Variants in ABLIM2 observed in about 807,000 individuals in gnomAD.
ABLIM2 encodes the protein actin-binding LIM protein 2.
ABLIM2 carries 53 observed loss-of-function variants against 97.7 expected under a neutral mutation model. The observed-to-expected ratio is 0.54, with a 90% CI of 0.44 to 0.68. The LOEUF is 0.68. ABLIM2 is among the 30% of genes least tolerant of loss of function. The pLI, the probability that ABLIM2 is intolerant of heterozygous loss-of-function variation, is 0.00. For synonymous variants in ABLIM2, 361 were observed against 345.8 expected (o/e 1.04, Z -0.49); for missense variants, 835 against 867.2 (o/e 0.96, Z 0.47).
At position 7,966,204 on chromosome 4, in the gene ABLIM2, C is replaced by G. The variant is rs987027730; in HGVS notation, c.*786G>C. 2 of 152,604 alleles carry G rather than the reference C, an allele frequency of 1.3e-5. No homozygotes were observed. Among genetic ancestry groups the G allele is most frequent in the Non-Finnish European group, 2.9e-5 (2 of 68,064 alleles). 9.5% of individuals were successfully genotyped at this position (152,604 alleles called of 1,614,324 possible). On this transcript the variant is annotated 3_prime_UTR_variant, in exon 21 of 21. Coordinates refer to ENST00000447017, the MANE Select transcript of ABLIM2 (RefSeq NM_001130083.2). ...AAGAACAGACTGAAACCACACAGATCCGAGCGGTGGAGAATAAGGCTGGAG... is the reference window on the plus strand; with the variant it reads ...AAGAACAGACTGAAACCACACAGATGCGAGCGGTGGAGAATAAGGCTGGAG...
chr4:8,021,864 A>G lies in ABLIM2; in HGVS notation c.1268-1561T>C, dbSNP rs1773951322. ...AGCGTCAGATAACTGCCCTTCCCTT[A>G]GCAACCTCCCTCCAGAACAGCATGG... On this transcript the variant is annotated intron_variant, in intron 12 of 20. Transcript: ENST00000447017. This position sits in a 1 kb window ranked among gnomAD's most constrained non-coding sequence, Gnocchi z 5.5. Among the ~76,000 whole-genome samples the G allele has an allele frequency of 6.6e-6, 1 of 152,310 alleles. No homozygotes were observed. The highest frequency in any genetic ancestry group is 2.4e-5 in the African/African-American group (1 of 41,578).
At position 8,058,670 on chromosome 4, in the gene ABLIM2, C is replaced by A. The variant is rs1322408629; in HGVS notation, c.763+2297G>T. On this transcript the variant is annotated intron_variant, in intron 7 of 20. Transcript: ENST00000447017. This position sits in a 1 kb window ranked among gnomAD's most constrained non-coding sequence, Gnocchi z 4.2. Reference sequence around the variant, plus strand: ...CCCACCAGTGCTCGCTGGGACCAGACCCTTGGGTCAGGCTCCTCTGAACCC... The same window carrying A: ...CCCACCAGTGCTCGCTGGGACCAGAACCTTGGGTCAGGCTCCTCTGAACCC... Among the ~76,000 whole-genome samples, 1 of 152,176 alleles carries A rather than the reference C, an allele frequency of 6.6e-6. No homozygotes were observed. The highest frequency in any genetic ancestry group is 2.4e-5 in the African/African-American group (1 of 41,440).
rs1789773501 is a variant in ABLIM2 at position 8,043,053 on chromosome 4, A to G, written c.900+2111T>C. On this transcript the variant is annotated intron_variant, in intron 9 of 20. Transcript: ENST00000447017. The surrounding 1 kb of genome is among the most constrained non-coding windows in gnomAD (Gnocchi z 4.8). ...GTAGTCCCAGCTACTCGGGATGCTG[A>G]GGTGGGAGGATCGCCTGAGCCCGGG... Among the ~76,000 whole-genome samples the G allele has an allele frequency of 6.6e-6, 1 of 151,638 alleles. No individual in the cohort carries two copies. The highest frequency in any genetic ancestry group is 1.5e-5 in the Non-Finnish European group (1 of 67,928).
At chr4:8,012,475 C>A (rs1345365937) in intron 14 of ABLIM2, among the ~76,000 whole-genome samples, 7 of 145,968 alleles carry the variant, frequency 4.8e-5, no homozygotes, top group Admixed American at 4.1e-4. Context: ...ATTGATCCAT[C>A]CATCCTTCAC....
chr4:7,984,394 C>A (rs1343932985), intron 18 of ABLIM2, among the ~76,000 whole-genome samples: 7 of 152,228 alleles, frequency 4.6e-5, no homozygotes, highest in African/African-American at 7.2e-5. Context: ...CAGGCACCTG[C>A]CACACGACCA....
chr4:7,997,094 C>T (rs533925291), intron 16 of ABLIM2, among the ~76,000 whole-genome samples: 49 of 151,982 alleles, frequency 3.2e-4, no homozygotes, highest in Non-Finnish European at 6.3e-4. Flanking sequence ...TTTTTTGAGA[C>T]GGAGTCTTGC....
rs997417857 is a variant in ABLIM2 at position 8,057,062 on chromosome 4, ATCTT to A, written c.764-2820_764-2817del. Among the ~76,000 whole-genome samples the A allele has an allele frequency of 6.9e-5, 10 of 144,818 alleles. No homozygotes were observed. The East Asian group carries it at 1.6e-3, about 24-fold the overall frequency. Reference sequence around the variant, plus strand: ...ATTTTATCTCTCTACTCCTCTCCTGATCTTTCTTTTTTCTTTCCTTTTCTTTTCT... The same window carrying A: ...ATTTTATCTCTCTACTCCTCTCCTGATCTTTTTTCTTTCCTTTTCTTTTCT... On this transcript the variant is annotated intron_variant, in intron 7 of 20. Coordinates refer to ENST00000447017, the MANE Select transcript of ABLIM2 (RefSeq NM_001130083.2).
chr4:8,101,295 C>T (rs1384984019), intron 2 of ABLIM2, among the ~76,000 whole-genome samples: 1 of 152,232 alleles, frequency 6.6e-6, no homozygotes, highest in Non-Finnish European at 1.5e-5. Context: ...TGAGATTCCT[C>T]CTGCCGGGAC....
intron 17 of ABLIM2, among the ~76,000 whole-genome samples, chr4:7,990,564 T>C (rs2149879679): frequency 6.6e-6 from 1 of 152,270 alleles, no homozygotes; most frequent in East Asian, 1.9e-4. Flanking sequence ...TCCTTTGTGA[T>C]TTGGTGTTCA....
At chr4:8,088,580 T>C (rs776110858) in intron 3 of ABLIM2, among the ~76,000 whole-genome samples, 2 of 152,236 alleles carry the variant, frequency 1.3e-5, no homozygotes, top group Non-Finnish European at 2.9e-5. Flanking sequence ...GCTTGGCACA[T>C]GGCAACATGC....
chr4:8,009,407 G>GT (rs937372299), intron 14 of ABLIM2, among the ~76,000 whole-genome samples: 1 of 151,854 alleles, frequency 6.6e-6, no homozygotes, highest in East Asian at 1.9e-4. Context: ...TTTGTTTTTT[G>GT]TTTTTTTGAG....
At chr4:8,062,664 C>T (rs1268956098) in intron 6 of ABLIM2, among the ~76,000 whole-genome samples, 1 of 152,156 alleles carries the variant, frequency 6.6e-6, no homozygotes, top group Non-Finnish European at 1.5e-5. Flanking sequence ...TGGTCTCGAT[C>T]TCCTGACCTC....
intron 1 of ABLIM2, among the ~76,000 whole-genome samples, chr4:8,143,682 G>A (rs1851363876): frequency 6.6e-6 from 1 of 152,180 alleles, no homozygotes; most frequent in East Asian, 1.9e-4. Context: ...CTCATGGAGT[G>A]TCATCGCTTA....
In ABLIM2 at chr4:8,020,288, C is replaced by T. The variant is rs747650367; in HGVS notation, c.1283G>A (p.Arg428Gln). The T allele has an allele frequency of 1.1e-5, 18 of 1,613,554 alleles. No individual in the cohort carries two copies. Among genetic ancestry groups the T allele is most frequent in the Admixed American group, 6.7e-5 (4 of 59,988 alleles). ...GAGCACGGAGAGGCTGGGGGTGCTC[C>T]GGCCACTTTCACTGCCTCCAGACGG... ...IPYFRGSESG[R>Q]STPSLSVLSD... Residue 428 changes from arginine (R) to glutamine (Q), a missense_variant, in exon 13 of 21, where the codon CGG becomes CAG. Physicochemically the swap from Arg to Gln is conservative, Grantham distance 43. Transcript: ENST00000447017.
At position 8,156,363 on chromosome 4, in the gene ABLIM2, G is replaced by A. The variant is rs6837497; in HGVS notation, c.10+2317C>T. Among the ~76,000 whole-genome samples the A allele has an allele frequency of 4.2e-3, 634 of 152,312 alleles. 4 individuals are homozygous for A. The highest frequency in any genetic ancestry group is 0.015 in the African/African-American group (606 of 41,544). On this transcript the variant is annotated intron_variant, in intron 1 of 20. Transcript: ENST00000447017. ...TACTGGGGAAACTGAGGCAGGGGGC[G>A]CCCCACAGCTAGGACATTGGATTCG...
At chr4:8,105,136 G>A (rs868390182) in intron 2 of ABLIM2, among the ~76,000 whole-genome samples, 6 of 152,276 alleles carry the variant, frequency 3.9e-5, no homozygotes, top group African/African-American at 1.2e-4. Context: ...GGCTGCTGGC[G>A]TCGGGAGGAT....
At chr4:8,047,549 TGCCCACGATG>T (rs1793376128) in intron 8 of ABLIM2, among the ~76,000 whole-genome samples, 1 of 152,214 alleles carries the variant, frequency 6.6e-6, no homozygotes, top group South Asian at 2.1e-4. Context: ...TCCTCAGTCA[TGCCCACGATG>T]GCCCAATACC....
intron 17 of ABLIM2, chr4:7,989,529 G>A: frequency 3.2e-6 from 2 of 623,158 alleles, no homozygotes; most frequent in South Asian, 1.4e-4. Context: ...ATGAATTAGT[G>A]TTCTCCTTTT....
chr4:8,046,959 G>A lies in ABLIM2; in HGVS notation c.823-1718C>T, dbSNP rs1291872501. ...TTTTGGGCTCCAGAGCTGTGGGAAGGTGGGTTTCTGCTGTGCAGGCCACCC... is the reference window on the plus strand; with the variant it reads ...TTTTGGGCTCCAGAGCTGTGGGAAGATGGGTTTCTGCTGTGCAGGCCACCC... On this transcript the variant is annotated intron_variant, in intron 8 of 20. Coordinates refer to ENST00000447017, the MANE Select transcript of ABLIM2 (RefSeq NM_001130083.2). The surrounding 1 kb of genome is among the most constrained non-coding windows in gnomAD (Gnocchi z 4.4). Among the ~76,000 whole-genome samples the A allele has an allele frequency of 1.3e-5, 2 of 152,200 alleles. No homozygotes were observed. The highest frequency in any genetic ancestry group is 6.5e-5 in the Admixed American group (1 of 15,278).
Sources: allele counts gnomAD v4.1 joint callset (sites outside exome capture counted in the v4.1 genomes callset), GRCh38; gene constraint gnomAD v4.1.1; non-coding constraint Gnocchi (gnomAD v3.1); transcripts MANE v1.5; gene names NCBI Gene and HGNC (gene_info 2026-07-23, HGNC 2026-07-21).